PRKCA: variants seen among roughly 807,000 people sequenced by gnomAD.
PRKCA encodes the protein protein kinase C alpha, also known as protein kinase C alpha type.
Under a neutral mutation model 87.0 loss-of-function variants are expected in PRKCA, and 27 were observed. The ratio of observed to expected loss-of-function variants is 0.31; its 90% CI spans 0.23 to 0.43. The LOEUF is 0.43. Among genes scored for constraint, PRKCA ranks in the 20% least tolerant of loss-of-function variants. PRKCA has a pLI of 1.00. For synonymous variants in PRKCA, 329 were observed against 311.1 expected, an observed-to-expected ratio of 1.06 and a Z score of -0.61; for missense variants, 518 against 852.3, an observed-to-expected ratio of 0.61 and a Z score of 4.88.
chr17:66,408,919 G>T (rs922782544), intron 2 of PRKCA, among the ~76,000 whole-genome samples: 1 of 151,376 alleles, frequency 6.6e-6, no homozygotes, highest in Non-Finnish European at 1.5e-5. Flanking sequence ...GGGCGTGGTG[G>T]TGTGCGCCTG....
chr17:66,511,481 A>T (rs1917226062), intron 3 of PRKCA, among the ~76,000 whole-genome samples: 1 of 152,166 alleles, frequency 6.6e-6, no homozygotes, highest in Non-Finnish European at 1.5e-5. Context: ...AATTCATCGT[A>T]ATCGTTGTTT....
chr17:66,489,881 AG>A (rs997171175), intron 2 of PRKCA, among the ~76,000 whole-genome samples: 33 of 151,688 alleles, frequency 2.2e-4, no homozygotes, highest in African/African-American at 7.3e-4. Context: ...CCTGAGTTCA[AG>A]CCGTCCTCCT....
intron 2 of PRKCA, among the ~76,000 whole-genome samples, chr17:66,327,633 T>C (rs1315748980): frequency 1.3e-5 from 2 of 152,220 alleles, no homozygotes; most frequent in Non-Finnish European, 2.9e-5. Context: ...CTGTGTCTCC[T>C]TCGTCCACAT....
chr17:66,762,337 A>T (rs889828409), intron 13 of PRKCA, among the ~76,000 whole-genome samples: 2 of 152,224 alleles, frequency 1.3e-5, no homozygotes, highest in Admixed American at 6.5e-5. Flanking sequence ...TGCAGTAAGC[A>T]CATTTTAATA....
At chr17:66,755,241 C>G (rs1382667783) in intron 13 of PRKCA, among the ~76,000 whole-genome samples, 1 of 152,104 alleles carries the variant, frequency 6.6e-6, no homozygotes, top group Admixed American at 6.6e-5. Flanking sequence ...GCACCCCACG[C>G]CCCCCCAGTG....
chr17:66,324,833 C>T (rs1290547282), intron 2 of PRKCA, among the ~76,000 whole-genome samples: 4 of 152,276 alleles, frequency 2.6e-5, no homozygotes, highest in East Asian at 3.9e-4. Context: ...TCATTAGTCA[C>T]GGTCTTCATT....
At chr17:66,794,973 T>C (rs1467567307) in intron 16 of PRKCA, among the ~76,000 whole-genome samples, 2 of 152,010 alleles carry the variant, frequency 1.3e-5, no homozygotes, top group East Asian at 3.9e-4. Context: ...TCTGTTAGGT[T>C]GGAGCAAAAG....
intron 3 of PRKCA, among the ~76,000 whole-genome samples, chr17:66,616,617 G>A (rs549440489): frequency 1.3e-5 from 2 of 152,170 alleles, no homozygotes; most frequent in Admixed American, 6.5e-5. Flanking sequence ...GCGTGCACAG[G>A]GTTATCTGCC....
intron 3 of PRKCA, among the ~76,000 whole-genome samples, chr17:66,498,201 G>T (rs563854698): frequency 4.3e-5 from 6 of 139,866 alleles, no homozygotes; most frequent in Admixed American, 2.3e-4. Context: ...CTGGAATATT[G>T]TCTTCCTTTG....
intron 2 of PRKCA, among the ~76,000 whole-genome samples, chr17:66,358,499 A>C (rs1908199162): frequency 1.3e-5 from 2 of 150,252 alleles, no homozygotes; most frequent in African/African-American, 2.5e-5. Flanking sequence ...GTAATCTATT[A>C]CACTCTACCC....
chr17:66,483,312 TC>T (rs1252830460), intron 2 of PRKCA, among the ~76,000 whole-genome samples: 1 of 151,936 alleles, frequency 6.6e-6, no homozygotes, highest in African/African-American at 2.4e-5. Context: ...GTTCCATGAC[TC>T]CCCCTGGCTT....
At chr17:66,344,706 G>A (rs965278401) in intron 2 of PRKCA, among the ~76,000 whole-genome samples, 1 of 152,164 alleles carries the variant, frequency 6.6e-6, no homozygotes, top group African/African-American at 2.4e-5. Flanking sequence ...TGACTCCAGA[G>A]CTTTCTTTTT....
At chr17:66,521,066 T>C (rs892044218) in intron 3 of PRKCA, among the ~76,000 whole-genome samples, 3 of 152,100 alleles carry the variant, frequency 2.0e-5, no homozygotes, top group Non-Finnish European at 4.4e-5. Context: ...ACTCTGGGCA[T>C]CTGTCCACTC....
At chr17:66,766,489 C>T (rs1017465646) in intron 13 of PRKCA, among the ~76,000 whole-genome samples, 36 of 152,086 alleles carry the variant, frequency 2.4e-4, no homozygotes, top group African/African-American at 8.0e-4. Context: ...TTTGTTCAGC[C>T]CTCACTGATC....
At chr17:66,772,495 C>T (rs1021494806) in intron 13 of PRKCA, among the ~76,000 whole-genome samples, 1 of 143,262 alleles carries the variant, frequency 7.0e-6, no homozygotes, top group Non-Finnish European at 1.5e-5. Flanking sequence ...CATTCTGGGC[C>T]ATTAAAAAAA....
At chr17:66,357,452 A>C (rs899485483) in intron 2 of PRKCA, among the ~76,000 whole-genome samples, 1 of 152,234 alleles carries the variant, frequency 6.6e-6, no homozygotes, top group Non-Finnish European at 1.5e-5. Context: ...AATGTATTAT[A>C]ATATGCAATT....
chr17:66,761,795 A>G (rs763948722), intron 13 of PRKCA, among the ~76,000 whole-genome samples: 1 of 152,052 alleles, frequency 6.6e-6, no homozygotes, highest in Non-Finnish European at 1.5e-5. Flanking sequence ...CCCATGTGAC[A>G]TAGTAAGATC....
At chr17:66,409,745 C>T (rs775597041) in intron 2 of PRKCA, among the ~76,000 whole-genome samples, 5 of 152,126 alleles carry the variant, frequency 3.3e-5, no homozygotes, top group Non-Finnish European at 7.3e-5. Context: ...CTGGTTAACA[C>T]GGTGAAACCC....
At chr17:66,543,665 C>G (rs1394482548) in intron 3 of PRKCA, among the ~76,000 whole-genome samples, 1 of 152,144 alleles carries the variant, frequency 6.6e-6, no homozygotes, top group Non-Finnish European at 1.5e-5. Flanking sequence ...TTTTATAATG[C>G]AGAAATACGA....
Sources: gnomAD v4.1 joint callset for allele counts (sites outside exome capture counted in the v4.1 genomes callset) on GRCh38, gnomAD v4.1.1 for gene constraint, MANE v1.5 for transcripts, NCBI Gene and HGNC (gene_info 2026-07-23, HGNC 2026-07-21) for gene names.